Variants in SNRPN observed in about 807,000 individuals in gnomAD.
SNRPN encodes small nuclear ribonucleoprotein polypeptide N.
In SNRPN, 7 loss-of-function variants were observed where a neutral mutation model predicts 25.2. The observed-to-expected ratio is 0.28, with a 90% CI of 0.16 to 0.52. The LOEUF (loss-of-function observed/expected upper bound fraction) is 0.52. Ranked by LOEUF, SNRPN falls within the 20% of genes least tolerant of loss-of-function variation. The pLI is 0.96. For missense variants in SNRPN, 196 were observed against 322.5 expected (o/e 0.61, Z 3.00); for synonymous variants, 124 against 110.6 (o/e 1.12, Z -0.76).
chr15:24,834,495 T>A (rs1295780502), intron 2 of SNRPN, among the ~76,000 whole-genome samples: 2 of 151,954 alleles, frequency 1.3e-5, no homozygotes, highest in African/African-American at 2.4e-5. Context: ...CAACTTCATC[T>A]GGATTACCAG....
At chr15:24,858,904 G>A (rs567966716) in intron 1 of SNRPN, among the ~76,000 whole-genome samples, 162 of 148,974 alleles carry the variant, frequency 1.1e-3, no homozygotes, top group African/African-American at 3.9e-3. Context: ...TTCTGCCTTT[G>A]TTGCATGCCC....
At chr15:24,837,314 T>C (rs2051278779) in intron 2 of SNRPN, among the ~76,000 whole-genome samples, 1 of 151,728 alleles carries the variant, frequency 6.6e-6, no homozygotes, top group South Asian at 2.1e-4. Context: ...AGCGAGTAAA[T>C]GGAAAAATCC....
At chr15:24,860,977 G>A (rs2053934251) in intron 1 of SNRPN, among the ~76,000 whole-genome samples, 1 of 152,060 alleles carries the variant, frequency 6.6e-6, no homozygotes, top group African/African-American at 2.4e-5. Context: ...CTTCATCCTT[G>A]GGGTTGTTGC....
chr15:24,933,363 C>A (rs1484888101), intron 3 of SNRPN, among the ~76,000 whole-genome samples: 1 of 151,510 alleles, frequency 6.6e-6, no homozygotes, highest in Non-Finnish European at 1.5e-5. Context: ...AACAATCAGA[C>A]ATACCTGATA....
intron 7 of SNRPN, among the ~76,000 whole-genome samples, chr15:24,977,355 A>T (rs1200132662): frequency 6.6e-6 from 1 of 152,156 alleles, no homozygotes; most frequent in East Asian, 1.9e-4. Context: ...AAATATGGGA[A>T]TAGGCCGGGT....
At chr15:24,912,362 G>A (rs560118245) in intron 2 of SNRPN, 1 of 152,256 alleles carries the variant, frequency 6.6e-6, no homozygotes, top group African/African-American at 2.4e-5. Flanking sequence ...TGACTTCACA[G>A]GTTCACAGCT....
chr15:24,943,872 A>G (rs1202964192), intron 3 of SNRPN, among the ~76,000 whole-genome samples: 1 of 151,816 alleles, frequency 6.6e-6, no homozygotes, highest in African/African-American at 2.4e-5. Flanking sequence ...CCCAGGCTGG[A>G]GTGCAGTGGC....
intron 2 of SNRPN, among the ~76,000 whole-genome samples, chr15:24,834,074 T>C (rs11630764): frequency 0.57 from 86,205 of 151,874 alleles, 24,821 homozygotes; most frequent in East Asian, 0.82. Flanking sequence ...TACAGGCGCC[T>C]GCCACCACAC....
At chr15:24,876,270 TTTAAA>T (rs2055863457) in intron 1 of SNRPN, among the ~76,000 whole-genome samples, 13 of 152,078 alleles carry the variant, frequency 8.5e-5, no homozygotes, top group African/African-American at 3.1e-4. Context: ...TTCTCCTTTA[TTTAAA>T]GCACAAGTCA....
At chr15:24,871,176 C>T (rs2055083531) in intron 1 of SNRPN, among the ~76,000 whole-genome samples, 1 of 152,030 alleles carries the variant, frequency 6.6e-6, no homozygotes, top group Non-Finnish European at 1.5e-5. Context: ...CAGGCGTGAG[C>T]CACCATGCCT....
At chr15:24,891,966 A>G (rs1398805216) in intron 2 of SNRPN, among the ~76,000 whole-genome samples, 1 of 152,124 alleles carries the variant, frequency 6.6e-6, no homozygotes, top group Non-Finnish European at 1.5e-5. Flanking sequence ...TTTTTTCCCT[A>G]TTGTCCCTGG....
At chr15:24,870,601 T>C (rs1301646764) in intron 1 of SNRPN, among the ~76,000 whole-genome samples, 2 of 149,148 alleles carry the variant, frequency 1.3e-5, no homozygotes, top group Non-Finnish European at 3.0e-5. Context: ...CACACTCTCA[T>C]GAAGAACAAC....
intron 6 of SNRPN, 105 bp from the exon 7 acceptor site, chr15:24,976,772 G>T: frequency 1.0e-6 from 1 of 981,812 alleles, no homozygotes; most frequent in South Asian, 1.4e-5. Flanking sequence ...ACTAATATGA[G>T]ATAGGTGTCA....
intron 1 of SNRPN, among the ~76,000 whole-genome samples, chr15:24,863,681 A>T (rs905396812): frequency 2.0e-5 from 3 of 150,680 alleles, no homozygotes; most frequent in Admixed American, 1.3e-4. Flanking sequence ...CCTGCTTTGT[A>T]TATGTTTGCC....
intron 1 of SNRPN, among the ~76,000 whole-genome samples, chr15:24,866,237 C>A (rs1253874550): frequency 6.8e-6 from 1 of 146,076 alleles, no homozygotes; most frequent in African/African-American, 2.5e-5. Flanking sequence ...AATATGTCTC[C>A]ATTTTTATTA....
chr15:24,947,217 TA>T (rs2061940440), intron 3 of SNRPN, among the ~76,000 whole-genome samples: 1 of 152,208 alleles, frequency 6.6e-6, no homozygotes, highest in African/African-American at 2.4e-5. Context: ...AGTGCTTTTT[TA>T]AAAGACAAAT....
intron 1 of SNRPN, among the ~76,000 whole-genome samples, chr15:24,881,128 T>C (rs1346779980): frequency 6.6e-6 from 1 of 152,054 alleles, no homozygotes; most frequent in Non-Finnish European, 1.5e-5. Flanking sequence ...TAGGCAGGTG[T>C]TCAAAGCATA....
chr15:24,894,518 C>T (rs997786957), intron 2 of SNRPN, among the ~76,000 whole-genome samples: 2 of 152,054 alleles, frequency 1.3e-5, no homozygotes, highest in Non-Finnish European at 2.9e-5. Context: ...CGTGCCCAGC[C>T]GAAACAAAGC....
At chr15:24,930,702 C>T (rs2060781281) in intron 3 of SNRPN, among the ~76,000 whole-genome samples, 1 of 151,312 alleles carries the variant, frequency 6.6e-6, no homozygotes. Context: ...GAGTTCAAGA[C>T]CAGACTGGCC....
Sources: gnomAD v4.1 joint callset for allele counts (sites outside exome capture counted in the v4.1 genomes callset) on GRCh38, gnomAD v4.1.1 for gene constraint, MANE v1.5 for transcripts, NCBI Gene and HGNC (gene_info 2026-07-23, HGNC 2026-07-21) for gene names.